The following LCMT1 variants were observed in gnomAD, a reference collection of about 807,000 sequenced individuals.
LCMT1 encodes the protein leucine carboxyl methyltransferase 1.
A neutral mutation model predicts 47.7 loss-of-function variants in LCMT1; 32 were observed. The ratio of observed to expected loss-of-function variants is 0.67; its 90% CI spans 0.51 to 0.90. The LOEUF (loss-of-function observed/expected upper bound fraction) is 0.90. Among genes scored for constraint, LCMT1 ranks in the 40% least tolerant of loss-of-function variants. The pLI, the probability that LCMT1 is intolerant of heterozygous loss-of-function variation, is 0.00. For synonymous variants in LCMT1, 152 were observed against 149.7 expected (o/e 1.02, Z -0.11); for missense variants, 375 against 415.2 (o/e 0.90, Z 0.84).
chr16:25,132,265 G>T, intron 2 of LCMT1, 137 bp from the exon 3 acceptor site: 1 of 1,024,988 alleles, frequency 9.8e-7, no homozygotes, highest in Non-Finnish European at 1.4e-6. Flanking sequence ...TTCTCCCATA[G>T]AGTCTGCAGA....
Position 25,128,496 on chromosome 16 carries a change from C to T in LCMT1, c.135C>T (p.Tyr45=). 1.9e-6 allele frequency: 3 copies of T among 1,610,408 alleles called. No individual in the cohort carries two copies. Among genetic ancestry groups the T allele is most frequent in the Non-Finnish European group, 2.5e-6 (3 of 1,178,328 alleles). ...LCKRFAVSIG[Y]WHDPYIQHFV... ...CCAGGTTTGCAGTAAGCATTGGCTA[C>T]TGGCATGACCCTTACATACAGCACT... Residue 45 remains tyrosine, a synonymous_variant, in exon 2 of 11, where the codon TAC becomes TAT. Coordinates refer to ENST00000399069, the MANE Select transcript of LCMT1 (RefSeq NM_016309.3).
chr16:25,118,018 C>T (rs1354637943), intron 1 of LCMT1, among the ~76,000 whole-genome samples: 1 of 152,066 alleles, frequency 6.6e-6, no homozygotes, highest in South Asian at 2.1e-4. Flanking sequence ...CTGTTTCTGC[C>T]GTCTGTGATC....
At chr16:25,112,453 A>C (rs1597550803) in intron 1 of LCMT1, among the ~76,000 whole-genome samples, 1 of 152,206 alleles carries the variant, frequency 6.6e-6, no homozygotes, top group African/African-American at 2.4e-5. Context: ...CCCAGAGCCA[A>C]GTAATATCTC....
At chr16:25,124,741 CA>C (rs1442077176) in intron 1 of LCMT1, among the ~76,000 whole-genome samples, 1 of 152,174 alleles carries the variant, frequency 6.6e-6, no homozygotes, top group East Asian at 1.9e-4. Flanking sequence ...CTCGTGGAGA[CA>C]GGTCTCAGTC....
At chr16:25,116,430 A>G (rs1959786974) in intron 1 of LCMT1, among the ~76,000 whole-genome samples, 1 of 152,120 alleles carries the variant, frequency 6.6e-6, no homozygotes, top group South Asian at 2.1e-4. Flanking sequence ...ATCTCCTGTC[A>G]TCAGTGGTGC....
rs534374126 is a variant in LCMT1 at position 25,132,537 on chromosome 16, C to T, written c.327+14C>T. On this transcript the variant is annotated intron_variant, in intron 3 of 10. Coordinates refer to ENST00000399069, the MANE Select transcript of LCMT1 (RefSeq NM_016309.3). ...TGGAGATTAAAGGTATGTTCAAATT[C>T]CCCTCCTCCCTCCCCAAGTGTTTAG... 8.1e-6 allele frequency: 13 copies of T among 1,611,130 alleles called. No individual in the cohort carries two copies. The African/African-American group carries it at 1.7e-4, about 22-fold the overall frequency.
At chr16:25,151,389 G>C (rs1446607135) in intron 4 of LCMT1, 165 bp from the exon 5 acceptor site, 1 of 619,096 alleles carries the variant, frequency 1.6e-6, no homozygotes, top group Non-Finnish European at 2.9e-6. Context: ...AGGGTCAAAA[G>C]TAATTAAACT....
intron 5 of LCMT1, among the ~76,000 whole-genome samples, chr16:25,157,244 A>C (rs897779074): frequency 5.9e-5 from 9 of 151,754 alleles, no homozygotes; most frequent in African/African-American, 2.2e-4. Flanking sequence ...TGACCTAATC[A>C]CCTCTTAAAA....
intron 7 of LCMT1, among the ~76,000 whole-genome samples, chr16:25,167,234 C>T (rs1961614910): frequency 6.6e-6 from 1 of 152,174 alleles, no homozygotes; most frequent in African/African-American, 2.4e-5. Context: ...CAGTGGTTTC[C>T]TAACAAACGC....
chr16:25,135,281 T>TAAAAAAAAAAAAAAAAAA (rs1316661688), intron 3 of LCMT1, among the ~76,000 whole-genome samples: 1 of 131,456 alleles, frequency 7.6e-6, no homozygotes, highest in African/African-American at 2.8e-5. Context: ...AAGTTTCTTT[T>TAAAAAAAAAAAAAAAAAA]AAAATATATA....
At chr16:25,121,359 G>A (rs975477623) in intron 1 of LCMT1, among the ~76,000 whole-genome samples, 3 of 152,040 alleles carry the variant, frequency 2.0e-5, no homozygotes, top group Non-Finnish European at 2.9e-5. Flanking sequence ...GCAGTGAGCC[G>A]AGATCATGCC....
At chr16:25,123,631 G>A (rs866262069) in intron 1 of LCMT1, among the ~76,000 whole-genome samples, 56 of 107,248 alleles carry the variant, frequency 5.2e-4, no homozygotes, top group Middle Eastern at 6.9e-3. Flanking sequence ...TTTTTGAGAC[G>A]GAGTCTTGCT....
intron 6 of LCMT1, among the ~76,000 whole-genome samples, chr16:25,164,339 T>G (rs1386609056): frequency 6.6e-6 from 1 of 152,110 alleles, no homozygotes; most frequent in African/African-American, 2.4e-5. Context: ...TTGAAACCAT[T>G]TTTACAATCC....
In LCMT1 at chr16:25,178,026, T is replaced by C; in HGVS notation, c.*3T>C. The C allele has an allele frequency of 6.2e-7, 1 of 1,613,806 alleles. No individual in the cohort carries two copies. The highest frequency in any genetic ancestry group is 8.5e-7 in the Non-Finnish European group (1 of 1,179,798). On this transcript the variant is annotated 3_prime_UTR_variant, in exon 11 of 11. Transcript: ENST00000399069. Reference sequence around the variant, plus strand: ...GGCTGAAGGAGATAACTTATTAATCTGTCGAAGGCTTATGCCGAGCCAGAA... The same window carrying C: ...GGCTGAAGGAGATAACTTATTAATCCGTCGAAGGCTTATGCCGAGCCAGAA...
rs778929647 is a variant in LCMT1, at chr16:25,178,151, T to C, written c.*128T>C. 1.4e-5 allele frequency: 11 copies of C among 785,152 alleles called. No homozygotes were observed. The highest frequency in any genetic ancestry group is 2.4e-5 in the Non-Finnish European group (11 of 464,520). The allele number at this position is 785,152 out of a possible 1,614,324, so 48.6% of individuals were successfully genotyped here. A position where few individuals can be genotyped will look rare whatever the true frequency, so the allele number is the denominator to read the frequency against. On this transcript the variant is annotated 3_prime_UTR_variant, in exon 11 of 11. Transcript: ENST00000399069. ...ATCCCACACTCTTGAGAAGCCTTGG[T>C]CACTACAGTGGTCGCACATGTTCCT...
At chr16:25,177,449 C>T (rs910831547) in intron 10 of LCMT1, among the ~76,000 whole-genome samples, 5 of 152,098 alleles carry the variant, frequency 3.3e-5, no homozygotes, top group African/African-American at 1.2e-4. Flanking sequence ...AATGTTATAA[C>T]ATTAGCATTT....
At chr16:25,168,957 C>T (rs1419433334) in intron 7 of LCMT1, among the ~76,000 whole-genome samples, 155 bp from the exon 8 acceptor site, 1 of 152,230 alleles carries the variant, frequency 6.6e-6, no homozygotes, top group Non-Finnish European at 1.5e-5. Flanking sequence ...CTCCCGCCAG[C>T]ACCGTGCTGG....
intron 1 of LCMT1, among the ~76,000 whole-genome samples, chr16:25,122,248 A>G (rs576073231): frequency 6.6e-6 from 1 of 152,330 alleles, no homozygotes; most frequent in South Asian, 2.1e-4. Flanking sequence ...GAGGCTGAGC[A>G]CTTAAAATCT....
chr16:25,111,747 T>C lies in LCMT1; in HGVS notation c.-137T>C, dbSNP rs1484403412. 3 of 626,668 alleles carry C rather than the reference T, an allele frequency of 4.8e-6. No individual in the cohort carries two copies. The highest frequency in any genetic ancestry group is 8.7e-6 in the Non-Finnish European group (3 of 346,206). The allele number at this position is 626,668 out of a possible 1,614,324, so 38.8% of individuals were successfully genotyped here. ...GGGTAGCCGGCGTGGGCGGCGTCAC[T>C]GAGCCGCGCCAGCTGAGCCAGGTAG... On this transcript the variant is annotated 5_prime_UTR_variant, in exon 1 of 11. Transcript: ENST00000399069.
Sources: allele counts gnomAD v4.1 joint callset (sites outside exome capture counted in the v4.1 genomes callset), GRCh38; gene constraint gnomAD v4.1.1; transcripts MANE v1.5; gene names NCBI Gene and HGNC (gene_info 2026-07-23, HGNC 2026-07-21).